Variants in ANKRD30B observed in about 807,000 individuals in gnomAD.
The protein encoded by ANKRD30B is ankyrin repeat domain 30B.
A neutral mutation model predicts 202.2 loss-of-function variants in ANKRD30B; 144 were observed. The ratio of observed to expected loss-of-function variants is 0.71; its 90% CI spans 0.62 to 0.82. The LOEUF (loss-of-function observed/expected upper bound fraction) is 0.82. Among genes scored for constraint, ANKRD30B ranks in the 40% least tolerant of loss-of-function variants. ANKRD30B has a pLI of 0.00. For synonymous variants in ANKRD30B, 508 were observed against 561.3 expected (o/e 0.91, Z 1.34); for missense variants, 1,487 against 1,669.1 (o/e 0.89, Z 1.90).
chr18:14,923,996 C>T, the ANKRD30B span, among the ~76,000 whole-genome samples: 1 of 152,166 alleles, frequency 6.6e-6, no homozygotes, highest in African/African-American at 2.4e-5. Flanking sequence ...CCAAACTCTC[C>T]ATGTACTCTG....
chr18:14,827,517 G>C (rs573060194), intron 32 of ANKRD30B, among the ~76,000 whole-genome samples: 2 of 152,218 alleles, frequency 1.3e-5, no homozygotes, highest in South Asian at 4.2e-4. Flanking sequence ...ACAGTCAGCT[G>C]TTTTTTTCTA....
chr18:14,907,506 G>A, the ANKRD30B span, among the ~76,000 whole-genome samples: 1 of 152,198 alleles, frequency 6.6e-6, no homozygotes, highest in African/African-American at 2.4e-5. Flanking sequence ...CAGGGAGAGG[G>A]CGTAGGAGCG....
chr18:14,782,477 C>T, intron 11 of ANKRD30B, 50 bp from the exon 12 acceptor site: 2 of 1,313,892 alleles, frequency 1.5e-6, no homozygotes, highest in Non-Finnish European at 1.0e-6. Flanking sequence ...AATTTTGATG[C>T]TTCTTATGAT....
intron 36 of ANKRD30B, among the ~76,000 whole-genome samples, chr18:14,838,418 G>A (rs1466538636): frequency 6.6e-6 from 1 of 152,190 alleles, no homozygotes; most frequent in Non-Finnish European, 1.5e-5. Context: ...GTATAGATCT[G>A]AAGGAACATT....
At chr18:14,750,666 A>G (rs1205854997) in intron 1 of ANKRD30B, among the ~76,000 whole-genome samples, 2 of 152,152 alleles carry the variant, frequency 1.3e-5, no homozygotes, top group South Asian at 2.1e-4. Flanking sequence ...CAATGTATTA[A>G]AAAGAATCCA....
chr18:14,867,297 G>A, the ANKRD30B span, among the ~76,000 whole-genome samples: 1 of 133,002 alleles, frequency 7.5e-6, no homozygotes, highest in Non-Finnish European at 1.6e-5. Context: ...CAATCTGGGG[G>A]CTAAGCTTGT....
chr18:14,853,705 A>G (rs975612717), intron 42 of ANKRD30B, among the ~76,000 whole-genome samples, 104 bp from the exon 43 acceptor site: 2 of 152,224 alleles, frequency 1.3e-5, no homozygotes, highest in African/African-American at 4.8e-5. Context: ...CAGTGTGCAC[A>G]AATGAAGAAA....
At chr18:14,811,336 C>T (rs1188391417) in intron 28 of ANKRD30B, among the ~76,000 whole-genome samples, 1 of 151,060 alleles carries the variant, frequency 6.6e-6, no homozygotes, top group Non-Finnish European at 1.5e-5. Context: ...CTGGGCCTCC[C>T]AAGTAGCTGG....
At chr18:14,755,520 G>A (rs1186932193) in intron 4 of ANKRD30B, among the ~76,000 whole-genome samples, 1 of 151,902 alleles carries the variant, frequency 6.6e-6, no homozygotes, top group African/African-American at 2.4e-5. Flanking sequence ...TTTAGCATTA[G>A]GTATATCTCC....
chr18:14,873,653 T>A, the ANKRD30B span, among the ~76,000 whole-genome samples: 2 of 152,090 alleles, frequency 1.3e-5, no homozygotes, highest in African/African-American at 2.4e-5. Flanking sequence ...AAACCCCCAA[T>A]TCCCTTGTTT....
At chr18:14,798,982 G>A (rs1347514415) in intron 20 of ANKRD30B, 119 bp from the exon 21 acceptor site, 7 of 1,092,432 alleles carry the variant, frequency 6.4e-6, no homozygotes, top group Middle Eastern at 3.0e-4. Context: ...AAAACCTAGT[G>A]TAATCCCTTT....
chr18:14,923,566 G>C, the ANKRD30B span, among the ~76,000 whole-genome samples: 1 of 151,988 alleles, frequency 6.6e-6, no homozygotes, highest in Admixed American at 6.6e-5. Context: ...ACCTTCCTGG[G>C]TCCTGGAAGA....
rs1333555614 is a variant in ANKRD30B, at chr18:14,748,442, C to T, written c.23C>T (p.Ala8Val). The change falls in exon 1 of 44, where the codon GCT becomes GTT. Residue 8 changes from alanine (A) to valine (V), a missense_variant. Transcript: ENST00000690538. MKRLLAA[A>V]GKGVRGPEPP... ...GCCATGAAGAGGCTCTTAGCTGCCGCTGGCAAGGGCGTGCGGGGCCCGGAG... is the reference window on the plus strand; with the variant it reads ...GCCATGAAGAGGCTCTTAGCTGCCGTTGGCAAGGGCGTGCGGGGCCCGGAG... 2.0e-6 allele frequency: 3 copies of T among 1,516,956 alleles called. No individual in the cohort carries two copies. Among genetic ancestry groups the T allele is most frequent in the Non-Finnish European group, 2.7e-6 (3 of 1,130,602 alleles). 94.0% of individuals were successfully genotyped at this position (1,516,956 alleles called of 1,614,324 possible). A position where few individuals can be genotyped will look rare whatever the true frequency, so the allele number is the denominator to read the frequency against.
chr18:14,772,230 TA>T lies in ANKRD30B; in HGVS notation c.1329+6del. On this transcript the variant is annotated splice_donor_region_variant and intron_variant, in intron 9 of 43. Coordinates refer to ENST00000690538, the MANE Select transcript of ANKRD30B (RefSeq NM_001367607.2). Reference sequence around the variant, plus strand: ...GAAGACTTTAATCTTGCTACCAAGGTAAAATGTTCTTTTGTGAAGTTGATTT... The same window carrying T: ...GAAGACTTTAATCTTGCTACCAAGGTAAATGTTCTTTTGTGAAGTTGATTT... The T allele has an allele frequency of 6.7e-7, 1 of 1,486,276 alleles. No homozygotes were observed. Among genetic ancestry groups the T allele is most frequent in the Non-Finnish European group, 9.0e-7 (1 of 1,108,452 alleles). The allele number at this position is 1,486,276 out of a possible 1,614,324, so 92.1% of individuals were successfully genotyped here. A position where few individuals can be genotyped will look rare whatever the true frequency, so the allele number is the denominator to read the frequency against.
the ANKRD30B span, among the ~76,000 whole-genome samples, chr18:14,873,722 G>T: frequency 5.9e-5 from 9 of 152,038 alleles, no homozygotes; most frequent in African/African-American, 2.2e-4. Flanking sequence ...TGCTGATGGA[G>T]TTCTCAATAA....
At chr18:14,784,295 T>C in intron 12 of ANKRD30B, 41 bp from the exon 13 acceptor site, 1 of 1,597,148 alleles carries the variant, frequency 6.3e-7, no homozygotes, top group Non-Finnish European at 8.6e-7. Context: ...GGCTTTGTCA[T>C]ATTTACTTAT....
At chr18:14,825,525 T>G (rs2144132273) in intron 32 of ANKRD30B, among the ~76,000 whole-genome samples, 2 of 151,736 alleles carry the variant, frequency 1.3e-5, no homozygotes, top group East Asian at 3.9e-4. Context: ...TTAGATAAAC[T>G]CCTCCACATT....
At chr18:14,878,214 A>G in the ANKRD30B span, among the ~76,000 whole-genome samples, 4 of 152,208 alleles carry the variant, frequency 2.6e-5, no homozygotes, top group Non-Finnish European at 5.9e-5. Flanking sequence ...CCTTTGTGGA[A>G]CCGAGCAGAT....
the ANKRD30B span, among the ~76,000 whole-genome samples, chr18:14,919,963 C>A: frequency 6.6e-6 from 1 of 152,210 alleles, no homozygotes; most frequent in African/African-American, 2.4e-5. Context: ...CAAGAGGCTG[C>A]TTTCCTGCAC....
Sources: allele counts gnomAD v4.1 joint callset (sites outside exome capture counted in the v4.1 genomes callset), GRCh38; gene constraint gnomAD v4.1.1; transcripts MANE v1.5; gene names NCBI Gene and HGNC (gene_info 2026-07-23, HGNC 2026-07-21).